TMEM135: variants seen among roughly 807,000 people sequenced by gnomAD.
TMEM135 encodes the protein transmembrane protein 135, also known as peroxisomal membrane protein 52.
A neutral mutation model predicts 60.3 loss-of-function variants in TMEM135; 30 were observed. The observed-to-expected ratio is 0.50, with a 90% CI of 0.37 to 0.68. The LOEUF is 0.68. Among genes scored for constraint, TMEM135 ranks in the 30% least tolerant of loss-of-function variants. The pLI is 0.00. For synonymous variants in TMEM135, 190 were observed against 186.7 expected (o/e 1.02, Z -0.14); for missense variants, 468 against 548.8 (o/e 0.85, Z 1.47).
rs141325445 is a variant in TMEM135 at position 87,302,430 on chromosome 11, T to A, written c.686T>A (p.Phe229Tyr). 23 of 1,613,666 alleles carry A rather than the reference T, an allele frequency of 1.4e-5. No individual in the cohort carries two copies. In the African/African-American group the frequency reaches 3.1e-4, roughly 22 times the overall value. The change falls in exon 8 of 15, where the codon TTT becomes TAT. Residue 229 changes from phenylalanine (F) to tyrosine (Y), a missense_variant. By Grantham distance (22) the Phe-to-Tyr change is conservative (BLOSUM62 3). Transcript: ENST00000305494. ...AATATGATTGGTCTAGTCAGGAAATTTGTGGATTCAATGTGAGCTCTTTAT... is the reference window on the plus strand; with the variant it reads ...AATATGATTGGTCTAGTCAGGAAATATGTGGATTCAATGTGAGCTCTTTAT... ...RMNMIGLVRK[F>Y]VDSICKHGPR...
chr11:87,305,502 G>A (rs1942522769), intron 8 of TMEM135, among the ~76,000 whole-genome samples: 2 of 152,198 alleles, frequency 1.3e-5, no homozygotes, highest in South Asian at 2.1e-4. Context: ...GGCCAGGCAC[G>A]GTGGCTCACA....
At chr11:87,297,322 G>A (rs2135435440) in intron 7 of TMEM135, among the ~76,000 whole-genome samples, 1 of 152,252 alleles carries the variant, frequency 6.6e-6, no homozygotes, top group Non-Finnish European at 1.5e-5. Flanking sequence ...GGTTTGGGAG[G>A]GAACAAATGG....
intron 5 of TMEM135, among the ~76,000 whole-genome samples, chr11:87,167,024 C>T (rs1239256361): frequency 2.0e-5 from 3 of 152,088 alleles, no homozygotes; most frequent in African/African-American, 7.2e-5. Flanking sequence ...TCCTTCTTAT[C>T]CCTTGTAAGT....
intron 5 of TMEM135, among the ~76,000 whole-genome samples, chr11:87,169,342 T>G (rs1939163428): frequency 6.6e-6 from 1 of 150,956 alleles, no homozygotes; most frequent in Non-Finnish European, 1.5e-5. Flanking sequence ...GATCCTGTCA[T>G]TATGATGCTA....
At chr11:87,217,736 A>ATC (rs986356010) in intron 5 of TMEM135, among the ~76,000 whole-genome samples, 3 of 151,888 alleles carry the variant, frequency 2.0e-5, no homozygotes, top group Non-Finnish European at 2.9e-5. Flanking sequence ...GTGAGTCGAG[A>ATC]TCGTGCCATT....
intron 6 of TMEM135, among the ~76,000 whole-genome samples, chr11:87,268,324 C>T (rs576800549): frequency 2.4e-4 from 36 of 150,500 alleles, no homozygotes; most frequent in African/African-American, 8.1e-4. Flanking sequence ...CTATGTTTTC[C>T]AGGCTGATCT....
intron 4 of TMEM135, among the ~76,000 whole-genome samples, chr11:87,123,106 T>A (rs1024815641): frequency 9.2e-5 from 14 of 152,250 alleles, no homozygotes; most frequent in Admixed American, 1.3e-4. Context: ...TATTTTCACA[T>A]GTCAACAAAT....
At chr11:87,060,853 G>A (rs975395723) in intron 1 of TMEM135, among the ~76,000 whole-genome samples, 4 of 151,852 alleles carry the variant, frequency 2.6e-5, no homozygotes, top group Non-Finnish European at 5.9e-5. Flanking sequence ...TGTGTTAGCC[G>A]GGGTGGTCTC....
intron 1 of TMEM135, among the ~76,000 whole-genome samples, chr11:87,042,703 T>C (rs1949760347): frequency 1.3e-5 from 2 of 152,228 alleles, no homozygotes; most frequent in Non-Finnish European, 2.9e-5. Context: ...TGCTTTTCAT[T>C]GGAAACATTA....
chr11:87,325,024 C>T lies in TMEM135; in HGVS notation c.*3691C>T. ...ATTGTGGAGGTGATGTTTACAATTGCCTCCAGCCCTTTACTATTGGTGCTG... is the reference window on the plus strand; with the variant it reads ...ATTGTGGAGGTGATGTTTACAATTGTCTCCAGCCCTTTACTATTGGTGCTG... On this transcript the variant is annotated 3_prime_UTR_variant, in exon 15 of 15. Transcript: ENST00000305494. 2.2e-6 allele frequency: 1 copy of T among 453,896 alleles called. No homozygotes were observed. The highest frequency in any genetic ancestry group is 4.4e-6 in the Non-Finnish European group (1 of 226,742). 28.1% of individuals were successfully genotyped at this position (453,896 alleles called of 1,614,324 possible).
intron 6 of TMEM135, among the ~76,000 whole-genome samples, chr11:87,242,022 C>G (rs1437142891): frequency 2.7e-5 from 4 of 150,884 alleles, no homozygotes; most frequent in Non-Finnish European, 5.9e-5. Flanking sequence ...CCACAACAGT[C>G]CCCAGAGTGT....
chr11:87,163,052 T>G (rs1004003590), intron 5 of TMEM135, among the ~76,000 whole-genome samples: 2 of 151,874 alleles, frequency 1.3e-5, no homozygotes, highest in Admixed American at 6.6e-5. Context: ...TTTATTTTAT[T>G]ATACATTAAG....
At chr11:87,066,779 C>CTTTTTTTTTTTTTT (rs201355341) in intron 1 of TMEM135, among the ~76,000 whole-genome samples, 1 of 129,178 alleles carries the variant, frequency 7.7e-6, no homozygotes. Flanking sequence ...TTACTAGATT[C>CTTTTTTTTTTTTTT]TTTCTTTTTT....
At chr11:87,184,415 C>G (rs973501421) in intron 5 of TMEM135, among the ~76,000 whole-genome samples, 3 of 152,074 alleles carry the variant, frequency 2.0e-5, no homozygotes, top group Admixed American at 6.5e-5. Flanking sequence ...GTAATTTAGA[C>G]TAAGAAAATG....
chr11:87,251,503 C>CAT, intron 6 of TMEM135, among the ~76,000 whole-genome samples: 1 of 152,182 alleles, frequency 6.6e-6, no homozygotes, highest in Non-Finnish European at 1.5e-5. Context: ...ACATGTGGGC[C>CAT]TCATAGGTAG....
At chr11:87,108,211 T>A (rs928734677) in intron 4 of TMEM135, among the ~76,000 whole-genome samples, 7 of 152,314 alleles carry the variant, frequency 4.6e-5, no homozygotes, top group African/African-American at 1.7e-4. Context: ...ATTCTGTAGG[T>A]TGCCTGTTCA....
At chr11:87,247,452 C>G (rs1941309234) in intron 6 of TMEM135, among the ~76,000 whole-genome samples, 1 of 152,114 alleles carries the variant, frequency 6.6e-6, no homozygotes, top group African/African-American at 2.4e-5. Context: ...TGCCATTCCC[C>G]CAGAGGTGGA....
At chr11:87,039,201 G>T (rs1386888473) in intron 1 of TMEM135, among the ~76,000 whole-genome samples, 2 of 152,178 alleles carry the variant, frequency 1.3e-5, no homozygotes, top group African/African-American at 4.8e-5. Context: ...TTCTTGAAAA[G>T]TCTGATTATG....
intron 9 of TMEM135, among the ~76,000 whole-genome samples, chr11:87,307,066 A>C (rs77188221): frequency 0.036 from 5,510 of 152,180 alleles, 95 homozygotes; most frequent in Admixed American, 0.046. Flanking sequence ...ATGCTGTAGA[A>C]AGTTTATGTT....
Sources: gnomAD v4.1 joint callset for allele counts (sites outside exome capture counted in the v4.1 genomes callset) on GRCh38, gnomAD v4.1.1 for gene constraint, MANE v1.5 for transcripts, NCBI Gene and HGNC (gene_info 2026-07-23, HGNC 2026-07-21) for gene names.